The following FLT3 variants were observed in gnomAD, a reference collection of about 807,000 sequenced individuals.
FLT3 encodes the protein receptor-type tyrosine-protein kinase FLT3.
In FLT3, 46 loss-of-function variants were observed where a neutral mutation model predicts 126.6. The ratio of observed to expected loss-of-function variants is 0.36; its 90% confidence interval spans 0.29 to 0.46. FLT3 has a LOEUF of 0.46. Ranked by LOEUF, FLT3 falls within the 20% of genes least tolerant of loss-of-function variation. FLT3 has a pLI of 1.00. For synonymous variants in FLT3, 404 were observed against 434.4 expected (o/e 0.93, Z 0.87); for missense variants, 1,069 against 1,190.3 (o/e 0.90, Z 1.50).
chr13:28,055,294 C>T (rs1240751775), intron 4 of FLT3, among the ~76,000 whole-genome samples: 3 of 152,190 alleles, frequency 2.0e-5, no homozygotes, highest in African/African-American at 4.8e-5. Context: ...TCAATCTTAT[C>T]GTCTCCTCAA....
chr13:28,058,215 A>AAAAC lies in FLT3; in HGVS notation c.369-754_369-753insGTTT, dbSNP rs1555258453. On this transcript the variant is annotated intron_variant, in intron 3 of 23. Transcript: ENST00000241453. ...CTCTATTTTTTAAAAATTAAAAAAA[A>AAAAC]AAAACAAAAAAAAAAACGGCCAGGT... 3.2e-5 allele frequency among the ~76,000 whole-genome samples: 3 copies of AAAAC among 93,212 alleles called. 1 individual carries two copies. The South Asian group carries it at 1.4e-3, about 42-fold the overall frequency. 61.2% of individuals were successfully genotyped at this position (93,212 alleles called of 152,430 possible).
chr13:28,091,368 C>T (rs975826967), intron 1 of FLT3, among the ~76,000 whole-genome samples: 64 of 149,330 alleles, frequency 4.3e-4, no homozygotes, highest in South Asian at 1.9e-3. Flanking sequence ...ACTACAGGCG[C>T]CCGCCACCAC....
chr13:28,075,315 T>C (rs546029438), intron 1 of FLT3, among the ~76,000 whole-genome samples: 1 of 152,310 alleles, frequency 6.6e-6, no homozygotes, highest in South Asian at 2.1e-4. Flanking sequence ...ATGATAAATA[T>C]TCAACGTGAT....
intron 1 of FLT3, among the ~76,000 whole-genome samples, chr13:28,083,890 T>C (rs187912664): frequency 6.6e-6 from 1 of 152,314 alleles, no homozygotes; most frequent in East Asian, 1.9e-4. Flanking sequence ...TCAGTTTGGC[T>C]AGAGGTTTAC....
Position 28,007,311 on chromosome 13 carries a change from A to G in FLT3, c.2860-3137T>C, listed in dbSNP as rs186380572. 3.0e-4 allele frequency among the ~76,000 whole-genome samples: 46 copies of G among 152,272 alleles called. No homozygotes were observed. The East Asian group carries it at 4.0e-3, about 13-fold the overall frequency. On this transcript the variant is annotated intron_variant, in intron 23 of 23. Coordinates refer to ENST00000241453, the MANE Select transcript of FLT3 (RefSeq NM_004119.3). The stretch of plus-strand genomic sequence containing the variant: ...ACTCAGGCTGGAGTACAGTGGTGCA[A>G]TCACAGCTCACTGCAGCCTCAACCT...
In FLT3 at chr13:28,100,433, C is replaced by A. The variant is rs928190511; in HGVS notation, c.43+35G>T. On this transcript the variant is annotated intron_variant, in intron 1 of 23. Coordinates refer to ENST00000241453, the MANE Select transcript of FLT3 (RefSeq NM_004119.3). The surrounding 1 kb of genome is among the most constrained non-coding windows in gnomAD (Gnocchi z 4.8). ...CACTGCGGGGTGGGGGCTGAGGGACCGCGAGGGGCTGCGAGCGAGCGAGCG... is the reference window on the plus strand; with the variant it reads ...CACTGCGGGGTGGGGGCTGAGGGACAGCGAGGGGCTGCGAGCGAGCGAGCG... 130 of 1,211,958 alleles carry A rather than the reference C, an allele frequency of 1.1e-4. No individual in the cohort carries two copies. Among genetic ancestry groups the A allele is most frequent in the Non-Finnish European group, 1.3e-4 (127 of 974,536 alleles). The allele number at this position is 1,211,958 out of a possible 1,614,324, so 75.1% of individuals were successfully genotyped here.
chr13:28,089,716 A>G (rs1878901046), intron 1 of FLT3, among the ~76,000 whole-genome samples: 1 of 151,096 alleles, frequency 6.6e-6, no homozygotes, highest in Non-Finnish European at 1.5e-5. Flanking sequence ...ATCAGGGTTG[A>G]CTACAGAAGG....
intron 9 of FLT3, among the ~76,000 whole-genome samples, chr13:28,047,702 AC>A (rs1299970879): frequency 8.2e-4 from 90 of 109,232 alleles, no homozygotes; most frequent in African/African-American, 2.9e-3. Context: ...ACAGAGTGAG[AC>A]CTCATCTCAA....
chr13:28,064,250 T>C (rs918930101), intron 2 of FLT3, among the ~76,000 whole-genome samples: 2 of 152,198 alleles, frequency 1.3e-5, no homozygotes, highest in Non-Finnish European at 2.9e-5. Flanking sequence ...GGAAAAAGAA[T>C]TGAATACACA....
At position 28,036,014 on chromosome 13, in the gene FLT3, C is replaced by T; in HGVS notation, c.1339G>A (p.Ala447Thr). The change falls in exon 11 of 24, where the codon GCA (alanine) becomes ACA (threonine). Residue 447 changes from alanine (A) to threonine (T), a missense_variant. Ala to Thr is a moderately conservative substitution (Grantham distance 58). Transcript: ENST00000241453. Reference sequence around the variant, plus strand: ...TCCGAGAAACAGGACGCCTGACTTGCCGATGCTTCTGCGAGCACTTGAGGT... The same window carrying T: ...TCCGAGAAACAGGACGCCTGACTTGTCGATGCTTCTGCGAGCACTTGAGGT... ...RKPQVLAEASASQASCFSDGY... is the reference protein window; with the variant it reads ...RKPQVLAEASTSQASCFSDGY... 1 of 1,614,040 alleles carries T rather than the reference C, an allele frequency of 6.2e-7. No individual in the cohort carries two copies. The highest frequency in any genetic ancestry group is 8.5e-7 in the Non-Finnish European group (1 of 1,179,996).
chr13:28,038,453 T>A (rs988960605), intron 9 of FLT3, among the ~76,000 whole-genome samples: 16 of 138,812 alleles, frequency 1.2e-4, no homozygotes, highest in African/African-American at 4.4e-4. Context: ...CTACTGAAAG[T>A]TTTTTTTTTT....
At chr13:28,099,577 C>CG (rs1390358966) in intron 1 of FLT3, among the ~76,000 whole-genome samples, 1 of 152,078 alleles carries the variant, frequency 6.6e-6, no homozygotes, top group Non-Finnish European at 1.5e-5. Flanking sequence ...ACGCGGAGGC[C>CG]GGGGGAGGTG....
chr13:28,037,493 T>G (rs66976696), intron 9 of FLT3, among the ~76,000 whole-genome samples: 1 of 152,136 alleles, frequency 6.6e-6, no homozygotes, highest in African/African-American at 2.4e-5. Flanking sequence ...ATTGGTATCA[T>G]CTGGGAGCTT....
rs2137640093 is a variant in FLT3 at position 28,023,480 on chromosome 13, G to A, written c.2291-3C>T. The A allele has an allele frequency of 6.2e-7, 1 of 1,613,048 alleles. No homozygotes were observed. Among genetic ancestry groups the A allele is most frequent in the South Asian group, 1.1e-5 (1 of 90,762 alleles). On this transcript the variant is annotated splice_region_variant and splice_polypyrimidine_tract_variant and intron_variant, in intron 18 of 23. Transcript: ENST00000241453. ...TTGGTTTTCATATTCAATTTCATCTGTAAAATAGAGCCAGTCTTCACTTTT... is the reference window on the plus strand; with the variant it reads ...TTGGTTTTCATATTCAATTTCATCTATAAAATAGAGCCAGTCTTCACTTTT...
chr13:28,003,779 A>G lies in FLT3; in HGVS notation c.*273T>C, dbSNP rs1870639220. On this transcript the variant is annotated 3_prime_UTR_variant, in exon 24 of 24. Coordinates refer to ENST00000241453, the MANE Select transcript of FLT3 (RefSeq NM_004119.3). ...GAATATACTGTACTTCAGGTACACA[A>G]TTCACTCAAGCCAGCCTGAGAAGGC... The G allele has an allele frequency of 4.4e-6, 2 of 457,900 alleles. No individual in the cohort carries two copies. The highest frequency in any genetic ancestry group is 3.9e-6 in the Non-Finnish European group (1 of 253,386). The allele number at this position is 457,900 out of a possible 1,614,324, so 28.4% of individuals were successfully genotyped here. A position where few individuals can be genotyped will look rare whatever the true frequency, so the allele number is the denominator to read the frequency against.
intron 17 of FLT3, 73 bp downstream of exon 17, chr13:28,027,014 GA>G: frequency 1.5e-6 from 2 of 1,316,580 alleles, no homozygotes; most frequent in South Asian, 1.4e-5. Flanking sequence ...ACTGGTCAAC[GA>G]AGTGTGTTTG....
rs1471123430 is a variant in FLT3 at position 28,060,593 on chromosome 13, A to G, written c.368+1274T>C. ...GTGTCTGTGTGTATAGGTTTAACTT[A>G]ATAGACTTGTTTCTTTTTTTCTTTT... is the stretch of plus-strand genomic sequence containing the variant. On this transcript the variant is annotated intron_variant, in intron 3 of 23. Transcript: ENST00000241453. Among the ~76,000 whole-genome samples, 3 of 8,786 alleles carry G rather than the reference A, an allele frequency of 3.4e-4. No homozygotes were observed. In the Non-Finnish European group the frequency reaches 5.3e-3, roughly 16 times the overall value. The allele number at this position is 8,786 out of a possible 152,430, so 5.8% of individuals were successfully genotyped here.
Position 28,052,559 on chromosome 13 carries a change from A to C in FLT3, c.600T>G (p.Asp200Glu), listed in dbSNP as rs2137739942. The change falls in exon 5 of 24, where the codon GAT becomes GAG. Residue 200 changes from aspartate to glutamate, a missense_variant. Asp to Glu is a conservative substitution (Grantham distance 45). Coordinates refer to ENST00000241453, the MANE Select transcript of FLT3 (RefSeq NM_004119.3). ...PEPIVEWVLC[D>E]SQGESCKEES... ...ATGTGTCATACCTTTCCCCCTGTGA[A>C]TCGCAAAGCACCCATTCCACGATCG... 1.2e-6 allele frequency: 2 copies of C among 1,613,064 alleles called. No individual in the cohort carries two copies. The highest frequency in any genetic ancestry group is 2.2e-5 in the South Asian group (2 of 90,906).
intron 1 of FLT3, among the ~76,000 whole-genome samples, chr13:28,096,441 A>ATT (rs5802464): frequency 6.8e-6 from 1 of 146,688 alleles, no homozygotes; most frequent in Non-Finnish European, 1.5e-5. Context: ...GACGCATGCA[A>ATT]TTTTTTTTTT....
Sources: gnomAD v4.1 joint callset for allele counts (sites outside exome capture counted in the v4.1 genomes callset) on GRCh38, gnomAD v4.1.1 for gene constraint, Gnocchi (gnomAD v3.1) non-coding constraint, MANE v1.5 for transcripts, NCBI Gene and HGNC (gene_info 2026-07-23, HGNC 2026-07-21) for gene names.